Variants in ERBB4 observed in about 807,000 individuals in gnomAD.
ERBB4 encodes the protein receptor tyrosine-protein kinase erbB-4.
A neutral mutation model predicts 158.0 loss-of-function variants in ERBB4; 42 were observed. The observed-to-expected ratio is 0.27, with a 90% CI of 0.21 to 0.34. The LOEUF (loss-of-function observed/expected upper bound fraction) is 0.34, where lower values mean the gene tolerates loss of function less well. Ranked by LOEUF, ERBB4 falls within the 10% of genes least tolerant of loss-of-function variation. The probability of loss-of-function intolerance (pLI) is 1.00; values close to 1 mark genes in which losing one functional copy is unlikely to be tolerated. For missense variants in ERBB4, 1,333 were observed against 1,624.1 expected (o/e 0.82, Z 3.08); for synonymous variants, 583 against 558.7 (o/e 1.04, Z -0.61).
At chr2:211,508,945 A>AC (rs112790919) in intron 20 of ERBB4, among the ~76,000 whole-genome samples, 50,435 of 148,880 alleles carry the variant, frequency 0.34, 8,526 homozygotes, top group Middle Eastern at 0.42. Flanking sequence ...AAACAAACAA[A>AC]AAAACAAAAC....
rs189291726 is a variant in ERBB4, at chr2:212,204,932, C to T, written c.83-80029G>A. 8.6e-3 allele frequency among the ~76,000 whole-genome samples: 1,294 copies of T among 150,732 alleles called. 15 individuals are homozygous for T. Among genetic ancestry groups the T allele is most frequent in the Non-Finnish European group, 0.012 (812 of 67,772 alleles). On this transcript the variant is annotated intron_variant, in intron 1 of 27. Transcript: ENST00000342788. ...CTCCCGGGTTCAAACGATTCTCCTG[C>T]CTCAGCCTCCCGAGTAGCTGGGATT... is the stretch of plus-strand genomic sequence containing the variant.
At chr2:211,944,177 C>CTATATATATATATAGTGTATATA (rs1559154451) in intron 3 of ERBB4, among the ~76,000 whole-genome samples, 1 of 38,584 alleles carries the variant, frequency 2.6e-5, no homozygotes, top group South Asian at 4.4e-4. Flanking sequence ...TATATATATA[C>CTATATATATATATAGTGTATATA]TATATATATA....
At chr2:211,918,918 G>A (rs1390603201) in intron 3 of ERBB4, among the ~76,000 whole-genome samples, 1 of 151,946 alleles carries the variant, frequency 6.6e-6, no homozygotes, top group Non-Finnish European at 1.5e-5. Flanking sequence ...TGAGATTTTG[G>A]TGATTTTTGT....
intron 3 of ERBB4, among the ~76,000 whole-genome samples, chr2:211,904,054 T>C (rs2043888): frequency 0.12 from 17,688 of 152,094 alleles, 1,358 homozygotes; most frequent in Middle Eastern, 0.2. Flanking sequence ...TGTTTAAAGA[T>C]AAAGGAACAT....
chr2:211,819,838 C>T (rs139989103), intron 3 of ERBB4, among the ~76,000 whole-genome samples: 12 of 151,704 alleles, frequency 7.9e-5, no homozygotes, highest in Admixed American at 1.3e-4. Flanking sequence ...TTAGTGGCAA[C>T]AGGGATAAAG....
At chr2:212,114,929 A>G (rs2079527880) in intron 2 of ERBB4, among the ~76,000 whole-genome samples, 1 of 152,210 alleles carries the variant, frequency 6.6e-6, no homozygotes, top group South Asian at 2.1e-4. Context: ...GGTTAGGTAC[A>G]GCCAACCAGC....
At chr2:212,064,415 A>G (rs2077877824) in intron 2 of ERBB4, among the ~76,000 whole-genome samples, 1 of 152,088 alleles carries the variant, frequency 6.6e-6, no homozygotes, top group Admixed American at 6.6e-5. Context: ...CTTGTGTTTT[A>G]GAAAGGAACT....
At chr2:212,093,807 A>C (rs2077967649) in intron 2 of ERBB4, among the ~76,000 whole-genome samples, 1 of 152,212 alleles carries the variant, frequency 6.6e-6, no homozygotes, top group African/African-American at 2.4e-5. Flanking sequence ...CTTTTATATA[A>C]TAAATAGCTG....
At chr2:212,520,456 T>C (rs1312841144) in intron 1 of ERBB4, among the ~76,000 whole-genome samples, 1 of 151,928 alleles carries the variant, frequency 6.6e-6, no homozygotes, top group Admixed American at 6.6e-5. Flanking sequence ...GTTTTTATCT[T>C]AAAGGTATAG....
At chr2:212,056,600 C>T (rs1489030831) in intron 2 of ERBB4, among the ~76,000 whole-genome samples, 1 of 152,206 alleles carries the variant, frequency 6.6e-6, no homozygotes, top group African/African-American at 2.4e-5. Context: ...CTCTACAAGA[C>T]AGAAGAGAGT....
At chr2:212,060,313 G>A (rs1324802542) in intron 2 of ERBB4, among the ~76,000 whole-genome samples, 1 of 151,834 alleles carries the variant, frequency 6.6e-6, no homozygotes, top group East Asian at 2.0e-4. Flanking sequence ...AGAAACAACA[G>A]GTGCTGGAGA....
intron 1 of ERBB4, among the ~76,000 whole-genome samples, chr2:212,466,331 C>T (rs952495187): frequency 7.9e-5 from 12 of 152,120 alleles, no homozygotes; most frequent in African/African-American, 2.2e-4. Flanking sequence ...ATATGAAGGA[C>T]CAACTTTTGT....
rs138504594 is a variant in ERBB4 at position 212,370,203 on chromosome 2, G to T, written c.82+168246C>A. 1.7e-3 allele frequency among the ~76,000 whole-genome samples: 260 copies of T among 152,170 alleles called. 2 individuals carry two copies. Among genetic ancestry groups the T allele is most frequent in the African/African-American group, 5.9e-3 (245 of 41,526 alleles). On this transcript the variant is annotated intron_variant, in intron 1 of 27. Transcript: ENST00000342788. The stretch of plus-strand genomic sequence containing the variant: ...CTCACAAGATCTCATGGCTATATAA[G>T]GGGCTTCCCCCTTCACTCAGAATTC...
rs76339080 is a variant in ERBB4 at position 211,502,180 on chromosome 2, T to A, written c.2487+59723A>T. On this transcript the variant is annotated intron_variant, in intron 20 of 27. Transcript: ENST00000342788. ...CATAAAGGCCTTTGGCACTTCAAAT[T>A]CCACCTGTGTATGAGATATGCAACG... Among the ~76,000 whole-genome samples, 1,336 of 152,244 alleles carry A rather than the reference T, an allele frequency of 8.8e-3. 30 individuals carry two copies. The highest frequency in any genetic ancestry group is 0.03 in the African/African-American group (1,244 of 41,570).
intron 1 of ERBB4, among the ~76,000 whole-genome samples, chr2:212,361,213 G>T (rs1388787357): frequency 6.6e-6 from 1 of 151,570 alleles, no homozygotes; most frequent in Non-Finnish European, 1.5e-5. Flanking sequence ...CAATGTAATT[G>T]ATAAAGCCTT....
intron 1 of ERBB4, among the ~76,000 whole-genome samples, chr2:212,255,025 T>C (rs1189591373): frequency 6.6e-6 from 1 of 152,182 alleles, no homozygotes; most frequent in Non-Finnish European, 1.5e-5. Context: ...AATCCACCTT[T>C]ATACACATGT....
At chr2:211,987,338 A>AAAAAAAG (rs919066479) in intron 2 of ERBB4, among the ~76,000 whole-genome samples, 3 of 145,158 alleles carry the variant, frequency 2.1e-5, no homozygotes, top group African/African-American at 7.4e-5. Flanking sequence ...GACAAAAAAA[A>AAAAAAAG]AAAAAAGAAA....
intron 3 of ERBB4, among the ~76,000 whole-genome samples, chr2:211,825,704 T>C (rs963164364): frequency 4.7e-5 from 7 of 149,796 alleles, no homozygotes; most frequent in African/African-American, 1.7e-4. Flanking sequence ...AAAACAAAGC[T>C]GAATTAAATA....
At chr2:212,484,729 T>C (rs1489970215) in intron 1 of ERBB4, among the ~76,000 whole-genome samples, 1 of 152,224 alleles carries the variant, frequency 6.6e-6, no homozygotes, top group African/African-American at 2.4e-5. Context: ...TTTCCATCTT[T>C]ATCTCTGTCT....
Sources: allele counts gnomAD v4.1 joint callset (sites outside exome capture counted in the v4.1 genomes callset), GRCh38; gene constraint gnomAD v4.1.1; transcripts MANE v1.5; gene names NCBI Gene and HGNC (gene_info 2026-07-23, HGNC 2026-07-21).